Variants in TRPM3 observed in about 807,000 individuals in gnomAD.
The protein encoded by TRPM3 is long transient receptor potential channel 3.
Under a neutral mutation model 181.2 loss-of-function variants are expected in TRPM3, and 77 were observed. The ratio of observed to expected loss-of-function variants is 0.42; its 90% CI spans 0.35 to 0.51. The LOEUF (loss-of-function observed/expected upper bound fraction) is 0.51, where lower values mean the gene tolerates loss of function less well. TRPM3 is among the 20% of genes least tolerant of loss of function. TRPM3 has a pLI of 0.01. For missense variants in TRPM3, 1,759 were observed against 2,196.7 expected (o/e 0.80, Z 3.98); for synonymous variants, 745 against 796.4 (o/e 0.94, Z 1.09).
At chr9:71,386,066 T>C (rs781713563) in intron 1 of TRPM3, among the ~76,000 whole-genome samples, 1 of 152,146 alleles carries the variant, frequency 6.6e-6, no homozygotes, top group African/African-American at 2.4e-5. Context: ...GACGTGGAAG[T>C]GGCAATGCAA....
chr9:70,565,577 G>A (rs1039689403), intron 22 of TRPM3, among the ~76,000 whole-genome samples: 3 of 149,614 alleles, frequency 2.0e-5, no homozygotes, highest in African/African-American at 7.4e-5. Flanking sequence ...ACAGGCATGA[G>A]CCACTGTGCC....
At chr9:70,594,550 A>G (rs929962734) in intron 21 of TRPM3, among the ~76,000 whole-genome samples, 5 of 152,158 alleles carry the variant, frequency 3.3e-5, no homozygotes, top group Non-Finnish European at 7.3e-5. Flanking sequence ...AATTCCATTG[A>G]GAAGTGGAAT....
intron 5 of TRPM3, among the ~76,000 whole-genome samples, chr9:70,841,033 T>G (rs909624847): frequency 4.6e-5 from 7 of 152,194 alleles, no homozygotes; most frequent in African/African-American, 1.4e-4. Context: ...AATTAATTTA[T>G]GTATTAATAT....
chr9:71,196,932 A>G (rs1460336413), intron 1 of TRPM3, among the ~76,000 whole-genome samples: 2 of 148,380 alleles, frequency 1.3e-5, no homozygotes, highest in African/African-American at 5.0e-5. Flanking sequence ...GGTTAGTTAC[A>G]TATGTATACA....
intron 7 of TRPM3, among the ~76,000 whole-genome samples, chr9:70,779,385 T>G (rs1213780237): frequency 6.6e-6 from 1 of 152,106 alleles, no homozygotes; most frequent in Non-Finnish European, 1.5e-5. Context: ...GATGCCAAAA[T>G]AAACATAAAA....
intron 1 of TRPM3, among the ~76,000 whole-genome samples, chr9:71,017,860 C>A (rs967460678): frequency 2.6e-5 from 4 of 151,502 alleles, no homozygotes; most frequent in African/African-American, 9.7e-5. Context: ...AACTCTATAC[C>A]CAACAATGGT....
chr9:71,398,371 GT>G (rs367882279), intron 1 of TRPM3, among the ~76,000 whole-genome samples: 27 of 152,260 alleles, frequency 1.8e-4, no homozygotes, highest in African/African-American at 6.0e-4. Flanking sequence ...GAGAAGCTGT[GT>G]GTACTTTGAA....
At chr9:70,787,763 C>CTTTTTTTTTTTTTTTTTTTTTT in intron 6 of TRPM3, among the ~76,000 whole-genome samples, 4 of 68,556 alleles carry the variant, frequency 5.8e-5, no homozygotes, top group East Asian at 6.0e-4. Context: ...TTTTTGGATT[C>CTTTTTTTTTTTTTTTTTTTTTT]TTTTTTTTTT....
chr9:70,796,623 T>C (rs1415527118), intron 6 of TRPM3, among the ~76,000 whole-genome samples: 2 of 152,222 alleles, frequency 1.3e-5, no homozygotes, highest in Non-Finnish European at 2.9e-5. Context: ...TCAACTATGA[T>C]GGTATTAAAG....
intron 1 of TRPM3, among the ~76,000 whole-genome samples, chr9:70,924,632 G>A (rs1589817063): frequency 1.3e-5 from 2 of 152,076 alleles, no homozygotes; most frequent in Non-Finnish European, 2.9e-5. Flanking sequence ...TTGCTTTCAC[G>A]ATTAACAGTC....
chr9:71,409,704 C>G (rs2093506551), intron 1 of TRPM3, among the ~76,000 whole-genome samples: 1 of 152,098 alleles, frequency 6.6e-6, no homozygotes, highest in Non-Finnish European at 1.5e-5. Context: ...ATCAACGAGA[C>G]AGAAGGTTAA....
At chr9:71,413,205 C>G (rs1454782812) in intron 1 of TRPM3, among the ~76,000 whole-genome samples, 2 of 151,852 alleles carry the variant, frequency 1.3e-5, no homozygotes, top group African/African-American at 4.8e-5. Flanking sequence ...ATGTAACAAA[C>G]CTGCATGTTG....
intron 1 of TRPM3, among the ~76,000 whole-genome samples, chr9:71,250,293 G>A (rs911084179): frequency 3.3e-5 from 5 of 152,028 alleles, no homozygotes; most frequent in Admixed American, 6.6e-5. Flanking sequence ...AGTTGGGATC[G>A]TAAGTTTTTA....
chr9:70,788,024 T>A (rs796449636), intron 6 of TRPM3, among the ~76,000 whole-genome samples: 7 of 141,246 alleles, frequency 5.0e-5, no homozygotes, highest in East Asian at 2.0e-4. Context: ...TTTTTTTTTT[T>A]AATATACTTT....
intron 25 of TRPM3, among the ~76,000 whole-genome samples, chr9:70,545,435 G>A (rs1381513742): frequency 6.6e-6 from 1 of 152,028 alleles, no homozygotes; most frequent in Non-Finnish European, 1.5e-5. Flanking sequence ...GATAAGCAAT[G>A]AAATGATCTT....
chr9:71,297,055 G>A (rs567596642), intron 1 of TRPM3, among the ~76,000 whole-genome samples: 10 of 140,330 alleles, frequency 7.1e-5, no homozygotes, highest in South Asian at 2.3e-4. Flanking sequence ...GCAATGGCAC[G>A]ATCTCTGCTC....
At chr9:70,777,104 T>C (rs1490794060) in intron 7 of TRPM3, among the ~76,000 whole-genome samples, 1 of 152,148 alleles carries the variant, frequency 6.6e-6, no homozygotes, top group Non-Finnish European at 1.5e-5. Flanking sequence ...ATGTAATCAA[T>C]AGAGAGCTTT....
intron 1 of TRPM3, chr9:70,868,917 CT>C (rs1431172309): frequency 1.1e-6 from 1 of 891,712 alleles, no homozygotes; most frequent in Non-Finnish European, 1.3e-6. Flanking sequence ...GATCTTTGGT[CT>C]TCCTCTAGGT....
intron 1 of TRPM3, among the ~76,000 whole-genome samples, chr9:71,323,907 C>T (rs531166001): frequency 1.3e-5 from 2 of 152,244 alleles, no homozygotes; most frequent in South Asian, 4.1e-4. Context: ...GTCAAATTGA[C>T]TACTGAAGGC....
Sources: allele counts gnomAD v4.1 joint callset (sites outside exome capture counted in the v4.1 genomes callset), GRCh38; gene constraint gnomAD v4.1.1; transcripts MANE v1.5; gene names NCBI Gene and HGNC (gene_info 2026-07-23, HGNC 2026-07-21).